KCNAB1: variants seen among roughly 807,000 people sequenced by gnomAD.
KCNAB1 encodes the protein potassium voltage-gated channel subfamily A regulatory beta subunit 1.
KCNAB1 carries 35 observed loss-of-function variants against 64.6 expected under a neutral mutation model. The ratio of observed to expected loss-of-function variants is 0.54; its 90% CI spans 0.41 to 0.72. The LOEUF (loss-of-function observed/expected upper bound fraction) is 0.72, where lower values mean the gene tolerates loss of function less well. Ranked by LOEUF, KCNAB1 falls within the 30% of genes least tolerant of loss-of-function variation. The pLI is 0.00. For missense variants in KCNAB1, 401 were observed against 512.9 expected, an observed-to-expected ratio of 0.78 and a Z score of 2.11; for synonymous variants, 177 against 183.8, an observed-to-expected ratio of 0.96 and a Z score of 0.30.
intron 1 of KCNAB1, among the ~76,000 whole-genome samples, chr3:156,253,186 A>T (rs902263181): frequency 4.6e-5 from 7 of 152,196 alleles, no homozygotes; most frequent in Non-Finnish European, 1.0e-4. Context: ...GTTTAAGAAG[A>T]CTGCCTTAAT....
chr3:156,471,902 A>C (rs1169330000), intron 7 of KCNAB1, among the ~76,000 whole-genome samples: 6 of 152,234 alleles, frequency 3.9e-5, no homozygotes, highest in Admixed American at 3.9e-4. Flanking sequence ...ATCACCAAGC[A>C]CCATTTTGTC....
chr3:156,263,273 C>T (rs1388054726), intron 1 of KCNAB1, among the ~76,000 whole-genome samples: 1 of 151,948 alleles, frequency 6.6e-6, no homozygotes, highest in Non-Finnish European at 1.5e-5. Context: ...TTAAAGCTCT[C>T]AGTTTTCCTC....
intron 1 of KCNAB1, among the ~76,000 whole-genome samples, chr3:156,342,158 C>T (rs897775923): frequency 6.6e-6 from 1 of 152,170 alleles, no homozygotes; most frequent in Admixed American, 6.5e-5. Flanking sequence ...GCAAAGAAAG[C>T]GTGAGTGTGG....
chr3:156,524,522 C>A (rs377599273), intron 12 of KCNAB1, among the ~76,000 whole-genome samples: 1 of 151,922 alleles, frequency 6.6e-6, no homozygotes, highest in Non-Finnish European at 1.5e-5. Flanking sequence ...CCAAGGTGGG[C>A]GGATCATGAG....
intron 1 of KCNAB1, among the ~76,000 whole-genome samples, chr3:156,406,218 G>C (rs1246183801): frequency 1.3e-5 from 2 of 152,044 alleles, no homozygotes; most frequent in Non-Finnish European, 2.9e-5. Flanking sequence ...AGGAGAATGG[G>C]GCTTCTAATG....
chr3:156,223,943 G>A (rs377180711), intron 1 of KCNAB1, among the ~76,000 whole-genome samples: 1 of 152,206 alleles, frequency 6.6e-6, no homozygotes, highest in Non-Finnish European at 1.5e-5. Context: ...TGATGGGACC[G>A]GGCTCCGTGG....
At chr3:156,272,307 C>T (rs1198080465) in intron 1 of KCNAB1, among the ~76,000 whole-genome samples, 1 of 152,204 alleles carries the variant, frequency 6.6e-6, no homozygotes, top group Non-Finnish European at 1.5e-5. Flanking sequence ...GCAAGTTCCC[C>T]TGGGCCCCAG....
intron 1 of KCNAB1, among the ~76,000 whole-genome samples, chr3:156,296,559 C>T (rs189548407): frequency 1.0e-4 from 15 of 150,732 alleles, no homozygotes; most frequent in Admixed American, 6.6e-4. Flanking sequence ...CTGCAAGGTC[C>T]GCCTCCTGGG....
At chr3:156,231,324 C>T (rs2108434944) in intron 1 of KCNAB1, among the ~76,000 whole-genome samples, 1 of 152,252 alleles carries the variant, frequency 6.6e-6, no homozygotes, top group East Asian at 1.9e-4. Context: ...CTCTGTATAT[C>T]ATGACTTACT....
At chr3:156,215,847 C>T (rs918871137) in intron 1 of KCNAB1, 8 of 152,140 alleles carry the variant, frequency 5.3e-5, no homozygotes, top group African/African-American at 1.7e-4. Context: ...GAAGATTTTT[C>T]GAGGAGAGAG....
intron 1 of KCNAB1, among the ~76,000 whole-genome samples, chr3:156,140,286 T>A (rs1468142481): frequency 6.6e-6 from 1 of 152,216 alleles, no homozygotes; most frequent in African/African-American, 2.4e-5. Flanking sequence ...AGTAAGATAA[T>A]GTTTTCTGAC....
intron 3 of KCNAB1, among the ~76,000 whole-genome samples, chr3:156,453,460 T>C (rs931646820): frequency 1.3e-5 from 2 of 152,218 alleles, no homozygotes; most frequent in African/African-American, 4.8e-5. Context: ...ACTTTGATGG[T>C]GATCTGTTGA....
At chr3:156,268,599 G>A (rs1322763424) in intron 1 of KCNAB1, among the ~76,000 whole-genome samples, 1 of 152,082 alleles carries the variant, frequency 6.6e-6, no homozygotes, top group African/African-American at 2.4e-5. Flanking sequence ...TTGTTGTTTT[G>A]ATTTGCATTT....
intron 11 of KCNAB1, 109 bp from the exon 12 acceptor site, chr3:156,523,718 C>CGCCGTATCATT: frequency 1.8e-6 from 2 of 1,081,210 alleles, no homozygotes; most frequent in Admixed American, 4.4e-5. Flanking sequence ...ACATAAGGGT[C>CGCCGTATCATT]AAAAAATTCA....
At chr3:156,158,179 A>ATAAAT (rs759689766) in intron 1 of KCNAB1, among the ~76,000 whole-genome samples, 2 of 60,662 alleles carry the variant, frequency 3.3e-5, no homozygotes, top group East Asian at 8.1e-4. Context: ...AAAAAAATAA[A>ATAAAT]AAATAAATAA....
chr3:156,267,460 A>G (rs75443916), intron 1 of KCNAB1, among the ~76,000 whole-genome samples: 1,619 of 152,208 alleles, frequency 0.011, 17 homozygotes, highest in Non-Finnish European at 0.014. Context: ...TTTTTCCTTC[A>G]TTCTGCCCCA....
rs375656020 is a variant in KCNAB1, at chr3:156,141,369, C to G, written c.275+20483C>G. Among the ~76,000 whole-genome samples, 7 of 152,234 alleles carry G rather than the reference C, an allele frequency of 4.6e-5. No homozygotes were observed. The East Asian group carries it at 1.2e-3, about 25-fold the overall frequency. Reference sequence around the variant, plus strand: ...CACAACAGTTCCATTATAAGAATCCCACCTCTACACTTTTATAGCCATAGC... The same window carrying G: ...CACAACAGTTCCATTATAAGAATCCGACCTCTACACTTTTATAGCCATAGC... On this transcript the variant is annotated intron_variant, in intron 1 of 13. Coordinates refer to ENST00000490337, the MANE Select transcript of KCNAB1 (RefSeq NM_172160.3).
At chr3:156,361,813 C>A (rs1725633532) in intron 1 of KCNAB1, among the ~76,000 whole-genome samples, 1 of 151,974 alleles carries the variant, frequency 6.6e-6, no homozygotes, top group African/African-American at 2.4e-5. Flanking sequence ...CTCATGCCAC[C>A]ACACCCAGCC....
intron 1 of KCNAB1, among the ~76,000 whole-genome samples, chr3:156,209,324 T>C (rs1714871385): frequency 6.6e-6 from 1 of 152,212 alleles, no homozygotes. Context: ...AAACAGACTG[T>C]ACTTATGTTA....
Sources: allele counts gnomAD v4.1 joint callset (sites outside exome capture counted in the v4.1 genomes callset), GRCh38; gene constraint gnomAD v4.1.1; transcripts MANE v1.5; gene names NCBI Gene and HGNC (gene_info 2026-07-23, HGNC 2026-07-21).